IKBKB: variants seen among roughly 807,000 people sequenced by gnomAD.
IKBKB encodes inhibitor of nuclear factor kappa B kinase subunit beta, also known as inhibitor of nuclear factor kappa-B kinase subunit beta.
Under a neutral mutation model 113.6 loss-of-function variants are expected in IKBKB, and 42 were observed. The ratio of observed to expected loss-of-function variants is 0.37; its 90% confidence interval spans 0.29 to 0.48. IKBKB has a LOEUF of 0.48. Among genes scored for constraint, IKBKB ranks in the 20% least tolerant of loss-of-function variants. IKBKB has a pLI of 0.99. For missense variants in IKBKB, 673 were observed against 939.7 expected (o/e 0.72, Z 3.71); for synonymous variants, 296 against 361.3 (o/e 0.82, Z 2.05).
chr8:42,306,538 T>G (rs901098319), intron 7 of IKBKB, 106 bp downstream of exon 7: 11 of 756,992 alleles, frequency 1.5e-5, no homozygotes, highest in Non-Finnish European at 2.1e-5. Context: ...ACCGGCTCTC[T>G]GAATGTTTTG....
At chr8:42,308,344 C>A (rs575601130) in intron 7 of IKBKB, among the ~76,000 whole-genome samples, 1 of 147,078 alleles carries the variant, frequency 6.8e-6, no homozygotes, top group Non-Finnish European at 1.5e-5. Context: ...GTTGCCCAGG[C>A]TGGAGTGCAG....
At chr8:42,322,876 C>T (rs1334077878) in intron 19 of IKBKB, among the ~76,000 whole-genome samples, 2 of 152,076 alleles carry the variant, frequency 1.3e-5, no homozygotes, top group African/African-American at 4.8e-5. Context: ...GTGATCATGC[C>T]ACTGCACTCC....
chr8:42,317,463 C>T (rs1264216525), intron 11 of IKBKB, among the ~76,000 whole-genome samples, 194 bp from the exon 12 acceptor site: 1 of 152,120 alleles, frequency 6.6e-6, no homozygotes, highest in South Asian at 2.1e-4. Context: ...GAATGTAATA[C>T]GTTTGTAAAT....
chr8:42,321,242 G>GA (rs1819722516), intron 16 of IKBKB: 2 of 165,772 alleles, frequency 1.2e-5, no homozygotes, highest in Non-Finnish European at 2.6e-5. Context: ...TTTGGACCTG[G>GA]AAACTATTCG....
At chr8:42,308,674 G>A (rs1157192467) in intron 7 of IKBKB, among the ~76,000 whole-genome samples, 2 of 152,170 alleles carry the variant, frequency 1.3e-5, no homozygotes, top group East Asian at 3.9e-4. Flanking sequence ...TGAATCTTTA[G>A]CCCCTCCATC....
intron 2 of IKBKB, among the ~76,000 whole-genome samples, chr8:42,278,535 C>T (rs1809667905): frequency 6.6e-6 from 1 of 152,136 alleles, no homozygotes; most frequent in Non-Finnish European, 1.5e-5. Context: ...TGACTTCAAG[C>T]CACCAGTAGT....
intron 8 of IKBKB, among the ~76,000 whole-genome samples, chr8:42,311,973 G>A (rs1273769172): frequency 2.6e-5 from 4 of 152,182 alleles, no homozygotes; most frequent in African/African-American, 4.8e-5. Context: ...TGCAAGCTCC[G>A]CCTCCCGGGT....
At chr8:42,288,009 C>T (rs1039870416) in intron 2 of IKBKB, among the ~76,000 whole-genome samples, 3 of 152,068 alleles carry the variant, frequency 2.0e-5, no homozygotes, top group African/African-American at 7.3e-5. Context: ...CCTCTCTGCG[C>T]AGGAATGGTC....
At chr8:42,283,583 C>T (rs886281770) in intron 2 of IKBKB, among the ~76,000 whole-genome samples, 4 of 152,086 alleles carry the variant, frequency 2.6e-5, no homozygotes, top group South Asian at 2.1e-4. Context: ...AAGAAAGTGG[C>T]GCTTCTAGAA....
chr8:42,301,668 T>C (rs1410074330), intron 5 of IKBKB, among the ~76,000 whole-genome samples: 1 of 152,236 alleles, frequency 6.6e-6, no homozygotes, highest in Admixed American at 6.5e-5. Context: ...ATAAAGTTTG[T>C]TTTGTACAGT....
intron 2 of IKBKB, among the ~76,000 whole-genome samples, chr8:42,276,209 A>G (rs555432762): frequency 6.6e-6 from 1 of 152,170 alleles, no homozygotes; most frequent in Non-Finnish European, 1.5e-5. Flanking sequence ...CATTCCCACC[A>G]ATAGTGTATA....
At chr8:42,327,633 T>A (rs1420106672) in intron 20 of IKBKB, among the ~76,000 whole-genome samples, 4 of 111,680 alleles carry the variant, frequency 3.6e-5, no homozygotes, top group African/African-American at 1.3e-4. Flanking sequence ...GCACCCAGCC[T>A]TTTTTTTTTT....
In IKBKB at chr8:42,316,342, G is replaced by T; in HGVS notation, c.930+3G>T. 1 of 1,614,162 alleles carries T rather than the reference G, an allele frequency of 6.2e-7. No individual in the cohort carries two copies. Among genetic ancestry groups the T allele is most frequent in the South Asian group, 1.1e-5 (1 of 91,052 alleles). Reference sequence around the variant, plus strand: ...TGGATGACATCTTAAACTTAAAGGTGAGTGTGGAGCCAAGTTAGCCCTGAG... The same window carrying T: ...TGGATGACATCTTAAACTTAAAGGTTAGTGTGGAGCCAAGTTAGCCCTGAG... On this transcript the variant is annotated splice_donor_region_variant and intron_variant, in intron 10 of 21. Coordinates refer to ENST00000520810, the MANE Select transcript of IKBKB (RefSeq NM_001556.3). This position sits in a 1 kb window ranked among gnomAD's most constrained non-coding sequence, Gnocchi z 4.5.
At chr8:42,302,434 A>G (rs1815411064) in intron 5 of IKBKB, among the ~76,000 whole-genome samples, 1 of 152,218 alleles carries the variant, frequency 6.6e-6, no homozygotes, top group Non-Finnish European at 1.5e-5. Flanking sequence ...TGTTGGAACC[A>G]CATGGTCGAA....
intron 2 of IKBKB, among the ~76,000 whole-genome samples, chr8:42,286,471 T>C (rs1162698235): frequency 1.3e-5 from 2 of 152,194 alleles, no homozygotes; most frequent in African/African-American, 4.8e-5. Flanking sequence ...CACAGTCCTC[T>C]GTGTGTCTTT....
intron 2 of IKBKB, among the ~76,000 whole-genome samples, chr8:42,274,406 C>T (rs1035766398): frequency 7.2e-5 from 11 of 152,078 alleles, no homozygotes; most frequent in African/African-American, 1.2e-4. Context: ...TCCACCTAAC[C>T]GTAATTTTGT....
rs761172279 is a variant in IKBKB at position 42,318,631 on chromosome 8, G to A, written c.1320G>A (p.Leu440=). The change falls in exon 13 of 22, where the codon CTG becomes CTA. Residue 440 remains leucine, a synonymous_variant. Coordinates refer to ENST00000520810, the MANE Select transcript of IKBKB (RefSeq NM_001556.3). ...WGQVWHSIQT[L]KEDCNRLQQG... ...AGGTCTGGCACAGCATCCAGACCCT[G>A]AAGGAAGATTGCAACCGGCTGCAGC... The A allele has an allele frequency of 5.6e-6, 9 of 1,613,784 alleles. No individual in the cohort carries two copies. In the Admixed American group the frequency reaches 1.2e-4, roughly 21 times the overall value.
At chr8:42,289,213 T>TA (rs1360782881) in intron 3 of IKBKB, among the ~76,000 whole-genome samples, 2 of 151,842 alleles carry the variant, frequency 1.3e-5, no homozygotes, top group Admixed American at 6.6e-5. Context: ...AGACTCCGTC[T>TA]AAAAAAAAGA....
intron 4 of IKBKB, among the ~76,000 whole-genome samples, chr8:42,291,615 T>C (rs1258945439): frequency 5.3e-5 from 8 of 152,228 alleles, no homozygotes; most frequent in African/African-American, 2.4e-5. Context: ...CCAGACACAC[T>C]TCAGGTGCTG....
Sources: gnomAD v4.1 joint callset for allele counts (sites outside exome capture counted in the v4.1 genomes callset) on GRCh38, gnomAD v4.1.1 for gene constraint, Gnocchi (gnomAD v3.1) non-coding constraint, MANE v1.5 for transcripts, NCBI Gene and HGNC (gene_info 2026-07-23, HGNC 2026-07-21) for gene names.